The following CEP164 variants were observed in gnomAD, a reference collection of about 807,000 sequenced individuals.
CEP164 encodes centrosomal protein 164.
CEP164 carries 162 observed loss-of-function variants against 182.7 expected under a neutral mutation model. The ratio of observed to expected loss-of-function variants is 0.89; its 90% CI spans 0.78 to 1.01. The LOEUF is 1.01. CEP164 is among the 50% of genes least tolerant of loss of function. CEP164 has a pLI of 0.00. For missense variants in CEP164, 1,735 were observed against 1,790.4 expected (o/e 0.97, Z 0.56); for synonymous variants, 661 against 690.0 (o/e 0.96, Z 0.66).
intron 8 of CEP164, among the ~76,000 whole-genome samples, chr11:117,365,627 T>G (rs1047844448): frequency 4.6e-5 from 7 of 152,164 alleles, no homozygotes; most frequent in African/African-American, 1.2e-4. Flanking sequence ...TCCCCCAGGC[T>G]GTAGTGCAAT....
At chr11:117,384,198 C>T (rs927580490) in intron 14 of CEP164, among the ~76,000 whole-genome samples, 3 of 152,186 alleles carry the variant, frequency 2.0e-5, no homozygotes, top group African/African-American at 7.2e-5. Context: ...GACTCATGAG[C>T]AGAGACAGGT....
chr11:117,395,107 GTC>G lies in CEP164; in HGVS notation c.2845-12_2845-11del, dbSNP rs1430793191. On this transcript the variant is annotated splice_polypyrimidine_tract_variant and intron_variant, in intron 22 of 32. Transcript: ENST00000278935. ...GGTCTGCAGTCAGCCAGAAAATCCT[GTC>G]TCTTCCCTGCAAGGAGGAGACCGCC... The G allele has an allele frequency of 6.2e-7, 1 of 1,614,150 alleles. No individual in the cohort carries two copies. Among genetic ancestry groups the G allele is most frequent in the East Asian group, 2.2e-5 (1 of 44,878 alleles).
Position 117,344,243 on chromosome 11 carries a change from A to G in CEP164, c.160A>G (p.Ile54Val), listed in dbSNP as rs1049220694. 8.1e-6 allele frequency: 13 copies of G among 1,613,288 alleles called. No homozygotes were observed. Among genetic ancestry groups the G allele is most frequent in the African/African-American group, 2.7e-5 (2 of 74,900 alleles). The change falls in exon 4 of 33, where the codon ATC (isoleucine) becomes GTC (valine). Residue 54 changes from isoleucine (I) to valine (V), a missense_variant. Transcript: ENST00000278935. ...PELMWLAREG[I>V]VAPLPGEWKP... ...ACTGATGTGGCTGGCGCGAGAGGGC[A>G]TCGTGGCCCCACTGCCTGGAGAGTG...
intron 2 of CEP164, chr11:117,336,445 A>ATCCCTCC: frequency 7.1e-7 from 1 of 1,406,194 alleles, no homozygotes. Context: ...TGGCTGTGGT[A>ATCCCTCC]CAGGATGAGG....
At chr11:117,374,176 G>A (rs968248772) in intron 10 of CEP164, among the ~76,000 whole-genome samples, 3 of 152,112 alleles carry the variant, frequency 2.0e-5, no homozygotes, top group African/African-American at 7.2e-5. Flanking sequence ...AGCCTAGGAG[G>A]TTAGAGACTG....
chr11:117,397,177 G>T lies in CEP164; in HGVS notation c.3365G>T (p.Arg1122Leu), dbSNP rs144910893. The T allele has an allele frequency of 6.2e-7, 1 of 1,614,138 alleles. No homozygotes were observed. Among genetic ancestry groups the T allele is most frequent in the Non-Finnish European group, 8.5e-7 (1 of 1,179,950 alleles). ...SAKEFLVQQT[R>L]SMRRRQTALK... ...AAGGAGTTCCTTGTGCAGCAGACACGCTCCATGCGGAGGCGGCAGACAGCT... is the reference window on the plus strand; with the variant it reads ...AAGGAGTTCCTTGTGCAGCAGACACTCTCCATGCGGAGGCGGCAGACAGCT... The change falls in exon 27 of 33, where the codon CGC becomes CTC. Residue 1122 changes from arginine to leucine, a missense_variant. Coordinates refer to ENST00000278935, the MANE Select transcript of CEP164 (RefSeq NM_014956.5).
chr11:117,349,560 A>G (rs1297460410), intron 4 of CEP164, among the ~76,000 whole-genome samples: 2 of 152,138 alleles, frequency 1.3e-5, no homozygotes, highest in African/African-American at 4.8e-5. Context: ...ACCATAGCTC[A>G]CTGCAGCCTC....
At chr11:117,344,357 G>A in intron 4 of CEP164, 80 bp downstream of exon 4, 1 of 949,814 alleles carries the variant, frequency 1.1e-6, no homozygotes, top group Non-Finnish European at 1.6e-6. Flanking sequence ...GGTTTGAACT[G>A]GCCAGCTTTT....
Position 117,409,102 on chromosome 11 carries a change from C to G in CEP164, c.3748+74C>G. 1 of 1,578,482 alleles carries G rather than the reference C, an allele frequency of 6.3e-7. No individual in the cohort carries two copies. The highest frequency in any genetic ancestry group is 8.6e-7 in the Non-Finnish European group (1 of 1,157,240). On this transcript the variant is annotated intron_variant, in intron 29 of 32. Coordinates refer to ENST00000278935, the MANE Select transcript of CEP164 (RefSeq NM_014956.5). The surrounding 1 kb of genome is among the most constrained non-coding windows in gnomAD (Gnocchi z 4.4). ...AGGAACTTGGGGAATAGAAGAAGAGCTCTCTTCCCTCAGCCCTGCAGAGGG... is the reference window on the plus strand; with the variant it reads ...AGGAACTTGGGGAATAGAAGAAGAGGTCTCTTCCCTCAGCCCTGCAGAGGG...
rs768653923 is a variant in CEP164, at chr11:117,397,086, T to C, written c.3279-5T>C. On this transcript the variant is annotated splice_polypyrimidine_tract_variant and splice_region_variant and intron_variant, in intron 26 of 32. Transcript: ENST00000278935. ...TGTTTTCCTTCTTCAACTCTCCTGCTCCAGCCTGTCCTCCCACAATGTCTG... is the reference window on the plus strand; with the variant it reads ...TGTTTTCCTTCTTCAACTCTCCTGCCCCAGCCTGTCCTCCCACAATGTCTG... 5.0e-6 allele frequency: 8 copies of C among 1,613,054 alleles called. No individual in the cohort carries two copies. The African/African-American group carries it at 9.3e-5, about 19-fold the overall frequency.
At chr11:117,343,776 G>A (rs1168221983) in intron 3 of CEP164, among the ~76,000 whole-genome samples, 4 of 151,948 alleles carry the variant, frequency 2.6e-5, no homozygotes, top group African/African-American at 9.6e-5. Flanking sequence ...GATTACAGAT[G>A]TGCGCCACCA....
intron 1 of CEP164, among the ~76,000 whole-genome samples, chr11:117,322,779 T>C (rs1444349002): frequency 6.9e-6 from 1 of 145,076 alleles, no homozygotes; most frequent in Non-Finnish European, 1.5e-5. Context: ...TTTTTTTTTT[T>C]TTTTGGAGAT....
At chr11:117,372,719 C>G (rs2042341730) in intron 9 of CEP164, among the ~76,000 whole-genome samples, 1 of 152,130 alleles carries the variant, frequency 6.6e-6, no homozygotes, top group Non-Finnish European at 1.5e-5. Context: ...GCCCAGCCTT[C>G]CCTTGTACTT....
chr11:117,396,269 G>C, intron 25 of CEP164, 89 bp downstream of exon 25: 1 of 1,431,546 alleles, frequency 7.0e-7, no homozygotes. Flanking sequence ...TACTTCCAGA[G>C]GGGACAGCTC....
At position 117,411,737 on chromosome 11, in the gene CEP164, CCT is replaced by C; in HGVS notation, c.4164-55_4164-54del. ...GACAGATGTGATGGCCTCTGTGCAT[CCT>C]CTGTCACTTCCGCGCCTCCTCTCTC... On this transcript the variant is annotated intron_variant, in intron 31 of 32. Transcript: ENST00000278935. The surrounding 1 kb of genome is among the most constrained non-coding windows in gnomAD (Gnocchi z 4.4). The C allele has an allele frequency of 6.2e-7, 1 of 1,606,568 alleles. No individual in the cohort carries two copies. The highest frequency in any genetic ancestry group is 1.3e-5 in the African/African-American group (1 of 74,950).
At position 117,392,543 on chromosome 11, in the gene CEP164, G is replaced by C. The variant is rs1159411042; in HGVS notation, c.2409G>C (p.Glu803Asp). The change falls in exon 19 of 33, where the codon GAG (glutamate) becomes GAC (aspartate). Residue 803 changes from glutamate to aspartate, a missense_variant. Coordinates refer to ENST00000278935, the MANE Select transcript of CEP164 (RefSeq NM_014956.5). ...QKKIQEAQQK[E>D]EAQLQKCLGQ... Reference sequence around the variant, plus strand: ...AGATACAGGAAGCTCAACAGAAAGAGGAGGCCCAGCTGCAGAAGTGCCTTG... The same window carrying C: ...AGATACAGGAAGCTCAACAGAAAGACGAGGCCCAGCTGCAGAAGTGCCTTG... 6.2e-7 allele frequency: 1 copy of C among 1,614,206 alleles called. No individual in the cohort carries two copies. The highest frequency in any genetic ancestry group is 1.7e-5 in the Admixed American group (1 of 60,018).
chr11:117,410,643 C>G, intron 30 of CEP164, 185 bp from the exon 31 acceptor site: 1 of 521,204 alleles, frequency 1.9e-6, no homozygotes. Flanking sequence ...TGCCCTAACC[C>G]AAATTGAAAA....
chr11:117,322,962 C>T (rs1428169088), upstream of CEP164, among the ~76,000 whole-genome samples: 1 of 151,988 alleles, frequency 6.6e-6, no homozygotes, highest in Non-Finnish European at 1.5e-5. Flanking sequence ...GACGGGGTTT[C>T]ACTGTGTTGC....
intron 1 of CEP164, among the ~76,000 whole-genome samples, chr11:117,331,456 G>A (rs1021983824): frequency 6.6e-6 from 1 of 152,172 alleles, no homozygotes; most frequent in Admixed American, 6.5e-5. Flanking sequence ...GACTGTGCTA[G>A]GCACTTTATA....
Sources: allele counts gnomAD v4.1 joint callset (sites outside exome capture counted in the v4.1 genomes callset), GRCh38; gene constraint gnomAD v4.1.1; non-coding constraint Gnocchi (gnomAD v3.1); transcripts MANE v1.5; gene names NCBI Gene and HGNC (gene_info 2026-07-23, HGNC 2026-07-21).